Variants in EIF3H observed in about 807,000 individuals in gnomAD.
EIF3H encodes the protein eukaryotic translation initiation factor 3 subunit H, also known as eIF-3-gamma.
Under a neutral mutation model 44.2 loss-of-function variants are expected in EIF3H, and 26 were observed. That is an observed-to-expected ratio of 0.59 (90% CI 0.43 to 0.82). The LOEUF (loss-of-function observed/expected upper bound fraction) is 0.82. Among genes scored for constraint, EIF3H ranks in the 40% least tolerant of loss-of-function variants. The probability of loss-of-function intolerance (pLI) is 0.00; values close to 1 mark genes in which losing one functional copy is unlikely to be tolerated. For synonymous variants in EIF3H, 166 were observed against 151.9 expected, an observed-to-expected ratio of 1.09 and a Z score of -0.68; for missense variants, 359 against 432.8, an observed-to-expected ratio of 0.83 and a Z score of 1.51.
chr8:116,666,284 A>G (rs1813664284), intron 2 of EIF3H, among the ~76,000 whole-genome samples: 1 of 152,174 alleles, frequency 6.6e-6, no homozygotes, highest in Admixed American at 6.5e-5. Context: ...GGGTGGGGGC[A>G]GGCATTGTCG....
rs918802668 is a variant in EIF3H at position 116,643,716 on chromosome 8, GC to G, written c.*1289del. The G allele has an allele frequency of 1.3e-5, 2 of 152,154 alleles. No homozygotes were observed. Among genetic ancestry groups the G allele is most frequent in the African/African-American group, 2.4e-5 (1 of 41,428 alleles). The allele number at this position is 152,154 out of a possible 1,614,324, so 9.4% of individuals were successfully genotyped here. A position where few individuals can be genotyped will look rare whatever the true frequency, so the allele number is the denominator to read the frequency against. ...TTCAATCTGGCTGCCTGATCCCAGA[GC>G]CCCAGTAGTGCCTTCAAAACAATGT... is the stretch of plus-strand genomic sequence containing the variant. On this transcript the variant is annotated 3_prime_UTR_variant, in exon 8 of 8. Coordinates refer to ENST00000521861, the MANE Select transcript of EIF3H (RefSeq NM_003756.3).
At chr8:116,676,919 C>T (rs1013137795) in intron 2 of EIF3H, among the ~76,000 whole-genome samples, 8 of 151,434 alleles carry the variant, frequency 5.3e-5, no homozygotes, top group Admixed American at 4.6e-4. Flanking sequence ...TGATTGGCAC[C>T]AGTGGGTGCT....
At chr8:116,746,234 T>C (rs1361696095) in intron 1 of EIF3H, among the ~76,000 whole-genome samples, 1 of 152,214 alleles carries the variant, frequency 6.6e-6, no homozygotes, top group Non-Finnish European at 1.5e-5. Context: ...GTAAGACACC[T>C]GAGTTCTGAA....
At chr8:116,716,169 T>G (rs201827622) in intron 2 of EIF3H, among the ~76,000 whole-genome samples, 2 of 152,100 alleles carry the variant, frequency 1.3e-5, no homozygotes, top group African/African-American at 4.8e-5. Flanking sequence ...TCGTTGTTTC[T>G]AGTACTCAAG....
At chr8:116,698,759 T>A (rs1023835782) in intron 2 of EIF3H, among the ~76,000 whole-genome samples, 1 of 152,218 alleles carries the variant, frequency 6.6e-6, no homozygotes, top group Non-Finnish European at 1.5e-5. Context: ...AACTACCAAC[T>A]TTCATTGTTT....
At chr8:116,667,448 T>A (rs1430337097) in intron 2 of EIF3H, among the ~76,000 whole-genome samples, 1 of 138,758 alleles carries the variant, frequency 7.2e-6, no homozygotes, top group African/African-American at 2.7e-5. Flanking sequence ...CACAGAAAAC[T>A]GTTTGTACAA....
At chr8:116,711,503 T>G (rs1814571810) in intron 2 of EIF3H, among the ~76,000 whole-genome samples, 1 of 152,186 alleles carries the variant, frequency 6.6e-6, no homozygotes, top group Non-Finnish European at 1.5e-5. Flanking sequence ...GTAATAGACT[T>G]TTTTAAAAAC....
At chr8:116,656,775 C>A (rs1813497759) in intron 4 of EIF3H, among the ~76,000 whole-genome samples, 1 of 152,110 alleles carries the variant, frequency 6.6e-6, no homozygotes, top group Non-Finnish European at 1.5e-5. Flanking sequence ...ATAACTGTCA[C>A]CCATAAAATT....
At position 116,658,874 on chromosome 8, in the gene EIF3H, TG is replaced by T; in HGVS notation, c.395del (p.Ala132AspfsTer24). ...STYYGSFVTR[A>X]LLDSQFSYQH... Reference sequence around the variant, plus strand: ...GGTAACTAAACTGAGAGTCCAGGAGTGCCCGGGTAACGAATGAGCCATAGTA... The same window carrying T: ...GGTAACTAAACTGAGAGTCCAGGAGTCCCGGGTAACGAATGAGCCATAGTA... On this transcript the variant is annotated frameshift_variant, in exon 3 of 8. Transcript: ENST00000521861. LOFTEE classifies it high-confidence loss of function. 1 of 1,613,928 alleles carries T rather than the reference TG, an allele frequency of 6.2e-7. No homozygotes were observed. The highest frequency in any genetic ancestry group is 8.5e-7 in the Non-Finnish European group (1 of 1,179,868).
At chr8:116,707,563 T>TATTTA (rs1814491582) in intron 2 of EIF3H, among the ~76,000 whole-genome samples, 1 of 28,152 alleles carries the variant, frequency 3.6e-5, no homozygotes, top group African/African-American at 3.1e-4. Context: ...ATACGTGAGA[T>TATTTA]ACTTATTTGA....
chr8:116,756,992 A>AT (rs1815459627), upstream of EIF3H, among the ~76,000 whole-genome samples: 1 of 152,252 alleles, frequency 6.6e-6, no homozygotes, highest in South Asian at 2.1e-4. Flanking sequence ...GAGCATTAGA[A>AT]AACAGTGAGG....
intron 1 of EIF3H, among the ~76,000 whole-genome samples, chr8:116,752,081 G>GCT (rs1815353642): frequency 6.6e-6 from 1 of 152,172 alleles, no homozygotes; most frequent in Non-Finnish European, 1.5e-5. Flanking sequence ...TGGCCTAAAA[G>GCT]GAAGGATAGT....
intron 2 of EIF3H, among the ~76,000 whole-genome samples, chr8:116,702,224 T>G: frequency 6.6e-6 from 1 of 152,130 alleles, no homozygotes; most frequent in South Asian, 2.1e-4. Context: ...ACAAGGCAGA[T>G]TTTTGGTTTG....
rs768608670 is a variant in EIF3H, at chr8:116,646,564, T to C, written c.868A>G (p.Ser290Gly). Residue 290 changes from serine to glycine, a missense_variant, in exon 7 of 8, where the codon AGC becomes GGC. Physicochemically the swap from Ser to Gly is moderately conservative, Grantham distance 56. Transcript: ENST00000521861. ...RRQQENMQRQSRGEPPLPEED... is the reference protein window; with the variant it reads ...RRQQENMQRQGRGEPPLPEED... Reference sequence around the variant, plus strand: ...TCAGGGAGCGGGGGTTCTCCTCGGCTCTGGCGCTGCATATTCTCCTGCTGG... The same window carrying C: ...TCAGGGAGCGGGGGTTCTCCTCGGCCCTGGCGCTGCATATTCTCCTGCTGG... 1 of 1,614,042 alleles carries C rather than the reference T, an allele frequency of 6.2e-7. No individual in the cohort carries two copies. Among genetic ancestry groups the C allele is most frequent in the East Asian group, 2.2e-5 (1 of 44,898 alleles).
At chr8:116,749,530 G>C (rs1330460487) in intron 1 of EIF3H, among the ~76,000 whole-genome samples, 1 of 152,190 alleles carries the variant, frequency 6.6e-6, no homozygotes, top group African/African-American at 2.4e-5. Flanking sequence ...ATGTTCTAGG[G>C]AACAAAGTGG....
At chr8:116,732,201 C>T (rs1162948453) in intron 1 of EIF3H, among the ~76,000 whole-genome samples, 1 of 151,940 alleles carries the variant, frequency 6.6e-6, no homozygotes, top group Non-Finnish European at 1.5e-5. Flanking sequence ...CACAATGCTA[C>T]TTTTTAAAGT....
At chr8:116,658,532 T>C (rs1035492224) in intron 3 of EIF3H, 37 of 310,886 alleles carry the variant, frequency 1.2e-4, no homozygotes, top group Non-Finnish European at 3.0e-5. Context: ...TCTGGTCTAG[T>C]TCCACCAGCC....
intron 1 of EIF3H, among the ~76,000 whole-genome samples, chr8:116,762,028 A>G (rs1260722674): frequency 1.3e-5 from 2 of 152,246 alleles, no homozygotes; most frequent in Non-Finnish European, 2.9e-5. Flanking sequence ...TTTCTATAGT[A>G]TGTAAAGAAA....
intron 2 of EIF3H, among the ~76,000 whole-genome samples, chr8:116,659,742 C>A (rs1459763935): frequency 6.6e-6 from 1 of 151,994 alleles, no homozygotes; most frequent in African/African-American, 2.4e-5. Context: ...TATATTAAAG[C>A]AGTATTACCA....
Sources: allele counts gnomAD v4.1 joint callset (sites outside exome capture counted in the v4.1 genomes callset), GRCh38; gene constraint gnomAD v4.1.1; transcripts MANE v1.5; gene names NCBI Gene and HGNC (gene_info 2026-07-23, HGNC 2026-07-21).